GREB1L: variants seen among roughly 807,000 people sequenced by gnomAD.
GREB1L encodes the protein GREB1 like retinoic acid receptor coactivator.
A neutral mutation model predicts 200.8 loss-of-function variants in GREB1L; 17 were observed. The observed-to-expected ratio is 0.08, with a 90% CI of 0.06 to 0.13. GREB1L has a LOEUF of 0.13. GREB1L is among the 10% of genes least tolerant of loss of function. The probability of loss-of-function intolerance (pLI) is 1.00; values close to 1 mark genes in which losing one functional copy is unlikely to be tolerated. For missense variants in GREB1L, 1,657 were observed against 2,367.7 expected, an observed-to-expected ratio of 0.70 and a Z score of 6.23; for synonymous variants, 789 against 893.0, an observed-to-expected ratio of 0.88 and a Z score of 2.08.
chr18:21,453,827 A>T (rs940231732), intron 14 of GREB1L, among the ~76,000 whole-genome samples: 11 of 152,124 alleles, frequency 7.2e-5, no homozygotes, highest in African/African-American at 2.7e-4. Context: ...TTATGTAGTG[A>T]CTGGGGAGGG....
Position 21,513,974 on chromosome 18 carries a change from A to G in GREB1L, c.4889A>G (p.Gln1630Arg), listed in dbSNP as rs1277401871. ...GTCCTATGGAACATTCACAGTGTTCAGGAGCCATCCAGGTAGACTTCCAAG... is the reference window on the plus strand; with the variant it reads ...GTCCTATGGAACATTCACAGTGTTCGGGAGCCATCCAGGTAGACTTCCAAG... Reference protein sequence around the residue: ...SCVLWNIHSVQEPSSQPMEVG... With the variant: ...SCVLWNIHSVREPSSQPMEVG... Residue 1630 changes from glutamine (Q) to arginine (R), a missense_variant, in exon 28 of 33, where the codon CAG becomes CGG. Physicochemically the swap from Gln to Arg is conservative, Grantham distance 43. Around this residue, in one of 9 missense-constraint regions of GREB1L, gnomAD observed 151 missense variants for 309.6 expected, o/e 0.49. Coordinates refer to ENST00000424526, the MANE Select transcript of GREB1L (RefSeq NM_001142966.3). 1.9e-6 allele frequency: 3 copies of G among 1,551,628 alleles called. No homozygotes were observed. The highest frequency in any genetic ancestry group is 2.6e-6 in the Non-Finnish European group (3 of 1,146,916).
chr18:21,269,868 ATAGG>A (rs1389671360), intron 1 of GREB1L, among the ~76,000 whole-genome samples: 1 of 152,236 alleles, frequency 6.6e-6, no homozygotes, highest in Admixed American at 6.5e-5. Flanking sequence ...GAGATCAGAA[ATAGG>A]TAGGATTAGG....
intron 1 of GREB1L, among the ~76,000 whole-genome samples, chr18:21,248,955 A>G (rs1322559570): frequency 6.6e-6 from 1 of 150,768 alleles, no homozygotes; most frequent in Non-Finnish European, 1.5e-5. Flanking sequence ...CCTTTTTGGA[A>G]TTTGTTAGAA....
intron 1 of GREB1L, among the ~76,000 whole-genome samples, chr18:21,309,970 C>A (rs797012255): frequency 3.3e-5 from 5 of 152,098 alleles, no homozygotes; most frequent in African/African-American, 1.2e-4. Flanking sequence ...GTTGAGAAAC[C>A]CTAATCTAGA....
intron 2 of GREB1L, among the ~76,000 whole-genome samples, chr18:21,376,364 C>T (rs2040069948): frequency 6.6e-6 from 1 of 151,072 alleles, no homozygotes; most frequent in African/African-American, 2.4e-5. Flanking sequence ...GGTGATCCAC[C>T]CACCACCTCA....
At chr18:21,505,607 A>G in intron 24 of GREB1L, 40 bp downstream of exon 24, 2 of 1,544,220 alleles carry the variant, frequency 1.3e-6, no homozygotes, top group South Asian at 1.2e-5. Context: ...CTCTGGGTTA[A>G]GGGGACACTA....
At chr18:21,365,954 A>G (rs2039667977) in intron 1 of GREB1L, 73 bp from the exon 2 acceptor site, 1 of 151,994 alleles carries the variant, frequency 6.6e-6, no homozygotes, top group Non-Finnish European at 1.5e-5. Flanking sequence ...TTAGATTATT[A>G]TATTATAGAA....
chr18:21,270,861 C>T (rs541786847), intron 1 of GREB1L, among the ~76,000 whole-genome samples: 6 of 152,090 alleles, frequency 3.9e-5, no homozygotes, highest in Non-Finnish European at 7.4e-5. Flanking sequence ...TGTACTCAAC[C>T]GAGTACATTG....
intron 11 of GREB1L, among the ~76,000 whole-genome samples, chr18:21,448,049 A>G (rs1225071474): frequency 4.6e-5 from 7 of 151,536 alleles, no homozygotes. Flanking sequence ...GTAATCCCAG[A>G]TACTCCGGAG....
At chr18:21,414,796 C>T (rs534269314) in intron 7 of GREB1L, among the ~76,000 whole-genome samples, 1 of 152,150 alleles carries the variant, frequency 6.6e-6, no homozygotes, top group African/African-American at 2.4e-5. Context: ...ACATTTGCTC[C>T]TGGCCCAAAT....
At chr18:21,478,914 C>T (rs146100179) in intron 17 of GREB1L, among the ~76,000 whole-genome samples, 1,768 of 152,288 alleles carry the variant, frequency 0.012, 22 homozygotes, top group Middle Eastern at 0.037. Flanking sequence ...CAGAGTCTCG[C>T]TCTGTCACCC....
At position 21,508,566 on chromosome 18, in the gene GREB1L, C is replaced by T. The variant is rs181760697; in HGVS notation, c.4710C>T (p.Pro1570=). The change falls in exon 27 of 33, where the codon CCC becomes CCT. Residue 1570 remains proline, a synonymous_variant. Transcript: ENST00000424526. ...YWPNHIMLVL[P]GMFNNAGVGA... ...CCAACCACATCATGCTGGTGCTTCC[C>T]GGCATGTTCAATAATGCAGGCGTGG... 2.5e-5 allele frequency: 39 copies of T among 1,551,720 alleles called. No homozygotes were observed. The highest frequency in any genetic ancestry group is 3.1e-5 in the Non-Finnish European group (36 of 1,147,016).
chr18:21,434,507 G>A (rs1205307888), intron 7 of GREB1L, among the ~76,000 whole-genome samples: 2 of 135,748 alleles, frequency 1.5e-5, no homozygotes, highest in African/African-American at 7.2e-5. Context: ...ATATGTGTGT[G>A]TGTGTGTGTG....
At chr18:21,300,216 T>A (rs1297232648) in intron 1 of GREB1L, among the ~76,000 whole-genome samples, 2 of 152,146 alleles carry the variant, frequency 1.3e-5, no homozygotes, top group African/African-American at 4.8e-5. Flanking sequence ...ATCATTGCAG[T>A]TTATGGGGTA....
Position 21,313,471 on chromosome 18 carries a change from C to T in GREB1L, c.-119-52556C>T, listed in dbSNP as rs528807481. On this transcript the variant is annotated intron_variant, in intron 1 of 32. Transcript: ENST00000424526. ...GGTCACTGGTATTGTCAGCATTTTG[C>T]AGAAGATGAGGCTCTGAGAGGTAAA... Among the ~76,000 whole-genome samples the T allele has an allele frequency of 9.2e-5, 14 of 152,200 alleles. No homozygotes were observed. In the South Asian group the frequency reaches 2.9e-3, roughly 32 times the overall value.
At chr18:21,308,472 A>G (rs2038737862) in intron 1 of GREB1L, among the ~76,000 whole-genome samples, 1 of 152,212 alleles carries the variant, frequency 6.6e-6, no homozygotes, top group South Asian at 2.1e-4. Context: ...CCAAAACTAA[A>G]CAATAGCTGA....
intron 2 of GREB1L, among the ~76,000 whole-genome samples, chr18:21,381,616 A>G (rs1020939338): frequency 6.6e-6 from 1 of 152,188 alleles, no homozygotes; most frequent in African/African-American, 2.4e-5. Flanking sequence ...TTCTGCATTC[A>G]ACCTGTTGCA....
At chr18:21,303,925 T>C (rs2038658945) in intron 1 of GREB1L, among the ~76,000 whole-genome samples, 1 of 152,244 alleles carries the variant, frequency 6.6e-6, no homozygotes, top group African/African-American at 2.4e-5. Flanking sequence ...GACACTGTGT[T>C]GGGGAACAGC....
At chr18:21,497,644 CA>C (rs1049875160) in intron 21 of GREB1L, among the ~76,000 whole-genome samples, 3 of 122,422 alleles carry the variant, frequency 2.5e-5, no homozygotes, top group Admixed American at 8.4e-5. Context: ...AACTCTGTCT[CA>C]AAAAAAAAGA....
Sources: gnomAD v4.1 joint callset for allele counts (sites outside exome capture counted in the v4.1 genomes callset) on GRCh38, gnomAD v4.1.1 for gene constraint, gnomAD v4.1.1 regional missense constraint, MANE v1.5 for transcripts, NCBI Gene and HGNC (gene_info 2026-07-23, HGNC 2026-07-21) for gene names.